Variants in F7 observed in about 807,000 individuals in gnomAD.
The protein encoded by F7 is coagulation factor VII, also known as FVII coagulation protein.
F7 carries 38 observed loss-of-function variants against 47.5 expected under a neutral mutation model. The ratio of observed to expected loss-of-function variants is 0.80; its 90% CI spans 0.62 to 1.05. F7 has a LOEUF of 1.05. F7 is among the 50% of genes least tolerant of loss of function. The pLI is 0.00. For synonymous variants in F7, 244 were observed against 258.5 expected (o/e 0.94, Z 0.54); for missense variants, 575 against 605.4 (o/e 0.95, Z 0.53).
chr13:113,112,357 C>T (rs373483158), intron 2 of F7, among the ~76,000 whole-genome samples: 3 of 148,210 alleles, frequency 2.0e-5, no homozygotes, highest in Admixed American at 6.6e-5. Flanking sequence ...CAGGACACCT[C>T]ACTCTCACAG....
At chr13:113,110,217 A>C (rs953160547) in intron 1 of F7, 2 of 167,478 alleles carry the variant, frequency 1.2e-5, no homozygotes, top group Middle Eastern at 2.6e-3. Context: ...ACCAGGACGG[A>C]GGCCTGGGGA....
chr13:113,112,263 ACCT>A (rs1430871606), intron 2 of F7, among the ~76,000 whole-genome samples: 1 of 142,110 alleles, frequency 7.0e-6, no homozygotes, highest in East Asian at 2.3e-4. Context: ...CTCATAGGTC[ACCT>A]CAGTCTTACA....
In F7 at chr13:113,113,731, C is replaced by T. The variant is rs747961642; in HGVS notation, c.226-21C>T. 6 of 1,612,808 alleles carry T rather than the reference C, an allele frequency of 3.7e-6. No individual in the cohort carries two copies. The highest frequency in any genetic ancestry group is 2.2e-5 in the East Asian group (1 of 44,874). The stretch of plus-strand genomic sequence containing the variant: ...TCTGGTGAAGGTGCATCTCACGAGG[C>T]TTGCTCTCTTGTTCCTTCAGAAGCT... On this transcript the variant is annotated intron_variant, in intron 2 of 7. Transcript: ENST00000346342. The surrounding 1 kb of genome is among the most constrained non-coding windows in gnomAD (Gnocchi z 4.1).
rs2036257985 is a variant in F7 at position 113,119,234 on chromosome 13, A to C, written c.*226A>C. 1.7e-6 allele frequency: 1 copy of C among 580,630 alleles called. No individual in the cohort carries two copies. The allele number at this position is 580,630 out of a possible 1,614,324, so 36.0% of individuals were successfully genotyped here. ...GACTCAAAGAGACTCCAAGATTCAAAGAGACTAATAGAGACACAGAGATGG... is the reference window on the plus strand; with the variant it reads ...GACTCAAAGAGACTCCAAGATTCAACGAGACTAATAGAGACACAGAGATGG... On this transcript the variant is annotated 3_prime_UTR_variant, in exon 8 of 8. Coordinates refer to ENST00000346342, the MANE Select transcript of F7 (RefSeq NM_019616.4).
chr13:113,115,538 C>A lies in F7; in HGVS notation c.365-122C>A, dbSNP rs2036178072. 2.7e-6 allele frequency: 3 copies of A among 1,107,376 alleles called. No homozygotes were observed. In the South Asian group the frequency reaches 4.1e-5, roughly 15 times the overall value. The allele number at this position is 1,107,376 out of a possible 1,614,324, so 68.6% of individuals were successfully genotyped here. On this transcript the variant is annotated intron_variant, in intron 4 of 7. Coordinates refer to ENST00000346342, the MANE Select transcript of F7 (RefSeq NM_019616.4). ...TGGTGCCAAGCTCAGGCTCTGTCACCCACAGCTCAGTGCCACCTTCCAGGC... is the reference window on the plus strand; with the variant it reads ...TGGTGCCAAGCTCAGGCTCTGTCACACACAGCTCAGTGCCACCTTCCAGGC...
rs1473428292 is a variant in F7, at chr13:113,116,811, C to G, written c.551C>G (p.Ala184Gly). 6.2e-7 allele frequency: 1 copy of G among 1,613,886 alleles called. No individual in the cohort carries two copies. Among genetic ancestry groups the G allele is most frequent in the Admixed American group, 1.7e-5 (1 of 60,030 alleles). Residue 184 changes from alanine to glycine, a missense_variant, in exon 6 of 8, where the codon GCC becomes GGC. Ala to Gly is a moderately conservative substitution (Grantham distance 60). Transcript: ENST00000346342. The part of the protein sequence containing the change: ...GKIPILEKRN[A>G]SKPQGRIVGG... ...ATACCTATTCTAGAAAAAAGAAATG[C>G]CAGCAAACCCCAAGGCCGAATTGTG...
chr13:113,110,996 C>T, intron 2 of F7, 146 bp downstream of exon 2: 1 of 936,910 alleles, frequency 1.1e-6, no homozygotes. Context: ...GCGGGGGTCG[C>T]TTTCCGCCCG....
intron 4 of F7, 132 bp downstream of exon 4, chr13:113,114,092 T>C (rs1485548857): frequency 1.3e-5 from 12 of 916,510 alleles, no homozygotes; most frequent in South Asian, 4.3e-5. Context: ...TCAGCCCCAG[T>C]TGGAAATTGG....
Position 113,116,794 on chromosome 13 carries a change from T to C in F7, c.534T>C (p.Ile178=). The stretch of plus-strand genomic sequence containing the variant: ...AATATCCATGTGGAAAAATACCTAT[T>C]CTAGAAAAAAGAAATGCCAGCAAAC... ...TVEYPCGKIP[I]LEKRNASKPQ... The change falls in exon 6 of 8, where the codon ATT becomes ATC. Residue 178 remains isoleucine (I), a synonymous_variant. Coordinates refer to ENST00000346342, the MANE Select transcript of F7 (RefSeq NM_019616.4). The C allele has an allele frequency of 1.2e-6, 2 of 1,613,878 alleles. No individual in the cohort carries two copies. The highest frequency in any genetic ancestry group is 1.7e-6 in the Non-Finnish European group (2 of 1,179,972).
intron 1 of F7, 192 bp from the exon 2 acceptor site, chr13:113,110,498 G>A (rs1007344616): frequency 4.3e-6 from 3 of 691,262 alleles, no homozygotes; most frequent in Non-Finnish European, 7.0e-6. Flanking sequence ...AGGCCGGGAA[G>A]GATGGGCGAC....
chr13:113,119,058 C>G lies in F7; in HGVS notation c.*50C>G, dbSNP rs762652204. On this transcript the variant is annotated 3_prime_UTR_variant, in exon 8 of 8. Coordinates refer to ENST00000346342, the MANE Select transcript of F7 (RefSeq NM_019616.4). ...GAAAGCCAAGGCTGCGTCGAACTGT[C>G]CTGGCACCAAATCCCATATATTCTT... 13 of 1,555,106 alleles carry G rather than the reference C, an allele frequency of 8.4e-6. No individual in the cohort carries two copies. The highest frequency in any genetic ancestry group is 1.1e-5 in the Non-Finnish European group (13 of 1,144,074).
At position 113,115,219 on chromosome 13, in the gene F7, C is replaced by T. The variant is rs111889906; in HGVS notation, c.365-441C>T. 3.1e-3 allele frequency among the ~76,000 whole-genome samples: 466 copies of T among 152,346 alleles called. 1 individual carries two copies. The highest frequency in any genetic ancestry group is 0.01 in the African/African-American group (436 of 41,582). ...CTGGGACTAACTGTCCCCAGGCGGG[C>T]TCACGGTGGTACGAGGCCAGCTTGG... On this transcript the variant is annotated intron_variant, in intron 4 of 7. Transcript: ENST00000346342.
chr13:113,108,747 G>A (rs2036024719), intron 1 of F7, among the ~76,000 whole-genome samples: 2 of 112,820 alleles, frequency 1.8e-5, no homozygotes, highest in South Asian at 3.5e-4. Context: ...GAGTGTGGGT[G>A]TTCCAGAGGC....
chr13:113,108,927 C>T (rs74442405), intron 1 of F7, among the ~76,000 whole-genome samples: 2,018 of 2,866 alleles, frequency 0.7, 912 homozygotes, highest in Admixed American at 0.83. Context: ...GTCCCGGGAG[C>T]GTGGGTGTCC....
At chr13:113,106,179 C>T (rs1478487819) in intron 1 of F7, among the ~76,000 whole-genome samples, 2 of 146,588 alleles carry the variant, frequency 1.4e-5, no homozygotes, top group East Asian at 4.2e-4. Flanking sequence ...GGGCCCCTGC[C>T]TGTGAGGTCG....
chr13:113,110,960 G>T (rs934438025), intron 2 of F7, 110 bp downstream of exon 2: 62 of 1,273,646 alleles, frequency 4.9e-5, no homozygotes, highest in Non-Finnish European at 6.1e-5. Context: ...CGGCGAACAC[G>T]CAGCGGCGCC....
intron 1 of F7, 43 bp from the exon 2 acceptor site, chr13:113,110,647 G>C: frequency 6.5e-7 from 1 of 1,546,970 alleles, no homozygotes; most frequent in African/African-American, 1.4e-5. Context: ...GAGGCACTGG[G>C]CGGGGCACGC....
At position 113,110,141 on chromosome 13, in the gene F7, C is replaced by T. The variant is rs569193132; in HGVS notation, c.65-549C>T. ...GGGGAAGGCGGCAGAAGCCCAGGAC[C>T]GCCAAGAGCTGGCGAGGAAGCCCGG... On this transcript the variant is annotated intron_variant, in intron 1 of 7. Transcript: ENST00000346342. Among the ~76,000 whole-genome samples, 8 of 152,188 alleles carry T rather than the reference C, an allele frequency of 5.3e-5. No individual in the cohort carries two copies. In the South Asian group the frequency reaches 1.7e-3, roughly 32 times the overall value.
intron 4 of F7, 26 bp from the exon 5 acceptor site, chr13:113,115,634 T>G: frequency 6.2e-7 from 1 of 1,610,412 alleles, no homozygotes; most frequent in African/African-American, 1.3e-5. Flanking sequence ...GAAGCCCCTC[T>G]CAGGGTGTCC....
Sources: gnomAD v4.1 joint callset for allele counts (sites outside exome capture counted in the v4.1 genomes callset) on GRCh38, gnomAD v4.1.1 for gene constraint, Gnocchi (gnomAD v3.1) non-coding constraint, MANE v1.5 for transcripts, NCBI Gene and HGNC (gene_info 2026-07-23, HGNC 2026-07-21) for gene names.